Variants in TPST1 observed in about 807,000 individuals in gnomAD.
TPST1 encodes protein-tyrosine sulfotransferase 1.
A neutral mutation model predicts 34.8 loss-of-function variants in TPST1; 20 were observed. That is an observed-to-expected ratio of 0.57 (90% confidence interval 0.40 to 0.84). TPST1 has a LOEUF of 0.84. TPST1 is among the 40% of genes least tolerant of loss of function. The pLI, the probability that TPST1 is intolerant of heterozygous loss-of-function variation, is 0.00. For missense variants in TPST1, 353 were observed against 455.5 expected (o/e 0.78, Z 2.05); for synonymous variants, 152 against 159.4 (o/e 0.95, Z 0.35).
At chr7:66,201,862 G>GAAAA (rs370370393), upstream of TPST1, among the ~76,000 whole-genome samples, 328 of 131,480 alleles carry the variant, frequency 2.5e-3, 2 homozygotes, top group African/African-American at 7.7e-3. Context: ...ATTAAAATAA[G>GAAAA]AAAAAAAAAA....
chr7:66,280,887 A>C (rs1384441287), intron 2 of TPST1, among the ~76,000 whole-genome samples: 1 of 152,206 alleles, frequency 6.6e-6, no homozygotes, highest in Admixed American at 6.5e-5. Flanking sequence ...GTTTAATATA[A>C]TTCTTACAAA....
At chr7:66,325,821 A>G (rs1424303310) in intron 3 of TPST1, among the ~76,000 whole-genome samples, 1 of 151,998 alleles carries the variant, frequency 6.6e-6, no homozygotes, top group Non-Finnish European at 1.5e-5. Flanking sequence ...TTTTTAGTAG[A>G]GACAGGGTTT....
intron 1 of TPST1, among the ~76,000 whole-genome samples, chr7:66,229,576 CTA>C (rs1789735233): frequency 6.6e-6 from 1 of 152,170 alleles, no homozygotes; most frequent in African/African-American, 2.4e-5. Context: ...GTGATTATGA[CTA>C]GAGCTGCTAT....
chr7:66,226,553 ATCCCTTTGTTT>A (rs1789659730), intron 1 of TPST1, among the ~76,000 whole-genome samples: 1 of 152,184 alleles, frequency 6.6e-6, no homozygotes, highest in African/African-American at 2.4e-5. Context: ...AGAAGCCAAA[ATCCCTTTGTTT>A]TCCCTTTTTG....
intron 1 of TPST1, among the ~76,000 whole-genome samples, chr7:66,225,956 G>A (rs1252932779): frequency 6.6e-6 from 1 of 151,374 alleles, no homozygotes; most frequent in African/African-American, 2.4e-5. Context: ...GTGTGATCTC[G>A]GCTCACTGCA....
At chr7:66,231,347 T>C (rs919361709) in intron 1 of TPST1, among the ~76,000 whole-genome samples, 1 of 152,264 alleles carries the variant, frequency 6.6e-6, no homozygotes, top group African/African-American at 2.4e-5. Context: ...GCCAGTCCCA[T>C]GCTGTGCGCT....
intron 2 of TPST1, among the ~76,000 whole-genome samples, chr7:66,241,543 A>G (rs1300658643): frequency 6.6e-6 from 1 of 152,144 alleles, no homozygotes; most frequent in Non-Finnish European, 1.5e-5. Flanking sequence ...ATACAAACCC[A>G]CCTTACAGGC....
At chr7:66,309,622 T>C (rs1791490817) in intron 3 of TPST1, among the ~76,000 whole-genome samples, 1 of 152,132 alleles carries the variant, frequency 6.6e-6, no homozygotes, top group Non-Finnish European at 1.5e-5. Flanking sequence ...TTCTCTCTGG[T>C]AGGGAGGGCC....
At chr7:66,279,092 G>A (rs1313235073) in intron 2 of TPST1, among the ~76,000 whole-genome samples, 2 of 151,956 alleles carry the variant, frequency 1.3e-5, no homozygotes, top group South Asian at 4.2e-4. Flanking sequence ...TCCCACCCTC[G>A]ACCCTTAAGT....
intron 1 of TPST1, among the ~76,000 whole-genome samples, chr7:66,208,651 TAG>T (rs1789182295): frequency 6.6e-6 from 1 of 152,030 alleles, no homozygotes; most frequent in African/African-American, 2.4e-5. Context: ...GTATTTTTAG[TAG>T]AGACAGGGTT....
In TPST1 at chr7:66,241,253, G is replaced by A; in HGVS notation, c.828G>A (p.Gly276=). ...ATGAAGAGATGATTGGGAAAGCTGG[G>A]GGAGTGTCTCTGTCAAAGTGAGTAG... ...LHHEEMIGKA[G]GVSLSKVERS... is the part of the protein sequence containing the mutation. The change falls in exon 2 of 6, where the codon GGG becomes GGA. Residue 276 remains glycine, a synonymous_variant. Transcript: ENST00000304842. 2 of 1,608,590 alleles carry A rather than the reference G, an allele frequency of 1.2e-6. No individual in the cohort carries two copies. Among genetic ancestry groups the A allele is most frequent in the Non-Finnish European group, 1.7e-6 (2 of 1,177,126 alleles).
chr7:66,211,612 G>C (rs185077297), intron 1 of TPST1, among the ~76,000 whole-genome samples: 4 of 152,326 alleles, frequency 2.6e-5, no homozygotes, highest in African/African-American at 9.6e-5. Flanking sequence ...CTGACCAGCT[G>C]TTTCTTTCTT....
At chr7:66,251,621 G>T (rs141435574) in intron 2 of TPST1, among the ~76,000 whole-genome samples, 19 of 152,344 alleles carry the variant, frequency 1.2e-4, no homozygotes, top group African/African-American at 4.3e-4. Context: ...AACTAACATG[G>T]CAGGTTGGGA....
intron 2 of TPST1, among the ~76,000 whole-genome samples, chr7:66,242,354 A>G (rs1214152828): frequency 1.3e-5 from 2 of 152,148 alleles, no homozygotes; most frequent in Non-Finnish European, 2.9e-5. Context: ...CCTGTAAAAA[A>G]TACTTTCCTT....
intron 2 of TPST1, among the ~76,000 whole-genome samples, chr7:66,270,647 C>G (rs184836246): frequency 8.0e-4 from 122 of 152,296 alleles, no homozygotes; most frequent in African/African-American, 2.7e-3. Context: ...GCTATTTAGC[C>G]TGTAAAGTTA....
At chr7:66,203,343 G>A (rs1375332149), upstream of TPST1, among the ~76,000 whole-genome samples, 1 of 151,370 alleles carries the variant, frequency 6.6e-6, no homozygotes, top group Non-Finnish European at 1.5e-5. Flanking sequence ...GGGCTCACGG[G>A]ACCCTCCTGC....
At chr7:66,300,788 A>G (rs1016895169) in intron 3 of TPST1, among the ~76,000 whole-genome samples, 5 of 152,116 alleles carry the variant, frequency 3.3e-5, no homozygotes, top group African/African-American at 4.8e-5. Context: ...TCTACTAAAA[A>G]TACAAAAATT....
intron 3 of TPST1, among the ~76,000 whole-genome samples, chr7:66,310,256 A>G: frequency 6.6e-6 from 1 of 152,134 alleles, no homozygotes; most frequent in East Asian, 1.9e-4. Context: ...AAAAGAGCTT[A>G]CTCTTTCCTT....
intron 3 of TPST1, among the ~76,000 whole-genome samples, chr7:66,318,627 T>G (rs1247214417): frequency 6.6e-6 from 1 of 151,980 alleles, no homozygotes; most frequent in African/African-American, 2.4e-5. Context: ...CCACCACGCC[T>G]GGCCAATTTT....
Sources: gnomAD v4.1 joint callset for allele counts (sites outside exome capture counted in the v4.1 genomes callset) on GRCh38, gnomAD v4.1.1 for gene constraint, MANE v1.5 for transcripts, NCBI Gene and HGNC (gene_info 2026-07-23, HGNC 2026-07-21) for gene names.